The following KLHL1 variants were observed in gnomAD, a reference collection of about 807,000 sequenced individuals.
KLHL1 encodes the protein kelch-like protein 1.
A neutral mutation model predicts 77.7 loss-of-function variants in KLHL1; 47 were observed. That is an observed-to-expected ratio of 0.60 (90% CI 0.48 to 0.77). KLHL1 has a LOEUF of 0.77. KLHL1 is among the 30% of genes least tolerant of loss of function. The pLI is 0.00. For synonymous variants in KLHL1, 360 were observed against 325.2 expected, an observed-to-expected ratio of 1.11 and a Z score of -1.15; for missense variants, 925 against 910.8, an observed-to-expected ratio of 1.02 and a Z score of -0.20.
At chr13:69,893,004 A>C (rs1250433927) in intron 4 of KLHL1, among the ~76,000 whole-genome samples, 1 of 152,218 alleles carries the variant, frequency 6.6e-6, no homozygotes, top group Non-Finnish European at 1.5e-5. Context: ...GCTTACAACC[A>C]ACATTTAAAA....
rs571891288 is a variant in KLHL1, at chr13:69,795,524, C to A, written c.1639+1214G>T. ...AGTAATTTGTACTTCTCCTTACAAT[C>A]CTCATAAGACAAAGTGTAAATTCAA... On this transcript the variant is annotated intron_variant, in intron 7 of 10. Transcript: ENST00000377844. Among the ~76,000 whole-genome samples the A allele has an allele frequency of 7.9e-5, 12 of 152,288 alleles. No individual in the cohort carries two copies. In the East Asian group the frequency reaches 1.5e-3, roughly 20 times the overall value.
chr13:69,965,563 A>G (rs1161845449), intron 2 of KLHL1, among the ~76,000 whole-genome samples: 3 of 152,180 alleles, frequency 2.0e-5, no homozygotes, highest in Admixed American at 6.6e-5. Context: ...TAAGTGTCCA[A>G]ATGAATGGAA....
chr13:70,027,106 C>T (rs1031031079), intron 1 of KLHL1, among the ~76,000 whole-genome samples: 2 of 151,860 alleles, frequency 1.3e-5, no homozygotes, highest in Non-Finnish European at 2.9e-5. Context: ...ATATGAAATA[C>T]TAAATGGAGA....
chr13:70,028,394 A>G (rs1222600286), intron 1 of KLHL1, among the ~76,000 whole-genome samples: 2 of 152,142 alleles, frequency 1.3e-5, no homozygotes, highest in Non-Finnish European at 2.9e-5. Flanking sequence ...TGGTGGGATT[A>G]TGAGCACATA....
At chr13:70,054,797 T>C (rs961521726) in intron 1 of KLHL1, among the ~76,000 whole-genome samples, 1 of 106,914 alleles carries the variant, frequency 9.4e-6, no homozygotes, top group Non-Finnish European at 1.9e-5. Context: ...TGCATCAGAG[T>C]CTCTTAACAG....
At chr13:69,951,703 G>T (rs576712201) in intron 3 of KLHL1, among the ~76,000 whole-genome samples, 12 of 151,356 alleles carry the variant, frequency 7.9e-5, no homozygotes, top group African/African-American at 2.9e-4. Flanking sequence ...GCTCTATCTT[G>T]GTTTCCAAAA....
intron 6 of KLHL1, among the ~76,000 whole-genome samples, chr13:69,809,546 A>G (rs148716485): frequency 6.6e-6 from 1 of 152,260 alleles, no homozygotes; most frequent in African/African-American, 2.4e-5. Flanking sequence ...TCTATGAGAG[A>G]TGCTTAAGGG....
intron 5 of KLHL1, among the ~76,000 whole-genome samples, chr13:69,855,556 G>T (rs555264739): frequency 6.6e-6 from 1 of 151,740 alleles, no homozygotes; most frequent in Non-Finnish European, 1.5e-5. Context: ...GTAATCTTGG[G>T]GGCGGTTTTT....
At chr13:69,870,851 G>A (rs1338284116) in intron 5 of KLHL1, among the ~76,000 whole-genome samples, 2 of 151,970 alleles carry the variant, frequency 1.3e-5, no homozygotes, top group Admixed American at 1.3e-4. Flanking sequence ...GAGGTGAGAG[G>A]TGGGCTCTCA....
At chr13:69,895,713 C>CTTT (rs11459436) in intron 4 of KLHL1, among the ~76,000 whole-genome samples, 53 of 140,770 alleles carry the variant, frequency 3.8e-4, no homozygotes, top group Non-Finnish European at 6.2e-4. Context: ...TTCTTTTTTC[C>CTTT]TTTTTTTTTT....
At chr13:69,955,193 T>A (rs2137260256) in intron 3 of KLHL1, among the ~76,000 whole-genome samples, 1 of 151,466 alleles carries the variant, frequency 6.6e-6, no homozygotes. Flanking sequence ...CAATAAAAAT[T>A]CTGAAGAGAG....
intron 5 of KLHL1, among the ~76,000 whole-genome samples, chr13:69,870,226 G>A (rs7336607): frequency 0.21 from 31,372 of 151,998 alleles, 5,084 homozygotes; most frequent in African/African-American, 0.46. Context: ...GAAGTTTAAG[G>A]GGAGCCAGCT....
chr13:69,885,767 C>T (rs907243420), intron 4 of KLHL1, among the ~76,000 whole-genome samples: 1 of 152,010 alleles, frequency 6.6e-6, no homozygotes. Context: ...TGATAATCAT[C>T]GTGAGGACAA....
At chr13:69,989,704 T>A (rs1175894080) in intron 1 of KLHL1, among the ~76,000 whole-genome samples, 1 of 152,000 alleles carries the variant, frequency 6.6e-6, no homozygotes, top group Non-Finnish European at 1.5e-5. Context: ...TTCTAGGTAT[T>A]TTATTTTATT....
intron 4 of KLHL1, among the ~76,000 whole-genome samples, chr13:69,893,384 G>T (rs1192084827): frequency 6.6e-6 from 1 of 151,666 alleles, no homozygotes. Context: ...ACAGGCGCCC[G>T]CCACCGCGCC....
chr13:70,010,246 C>G (rs9592673), intron 1 of KLHL1, among the ~76,000 whole-genome samples: 47,483 of 151,862 alleles, frequency 0.31, 9,147 homozygotes, highest in South Asian at 0.44. Context: ...AGAAGTATCA[C>G]TAGTGTTATG....
chr13:69,789,469 A>AAAT (rs2138024031), intron 7 of KLHL1, among the ~76,000 whole-genome samples: 1 of 152,252 alleles, frequency 6.6e-6, no homozygotes, highest in East Asian at 1.9e-4. Flanking sequence ...ACGTGATGTG[A>AAAT]AATAGGGAAA....
intron 1 of KLHL1, among the ~76,000 whole-genome samples, chr13:70,039,877 G>A (rs1475798343): frequency 6.6e-6 from 1 of 152,114 alleles, no homozygotes; most frequent in East Asian, 1.9e-4. Flanking sequence ...CTGACCTCAA[G>A]TGATCTGTGT....
At chr13:69,811,069 T>A (rs1029535880) in intron 6 of KLHL1, among the ~76,000 whole-genome samples, 1 of 151,612 alleles carries the variant, frequency 6.6e-6, no homozygotes, top group African/African-American at 2.4e-5. Context: ...CCAATCTTAC[T>A]GAAACAATTC....
Sources: gnomAD v4.1 joint callset for allele counts (sites outside exome capture counted in the v4.1 genomes callset) on GRCh38, gnomAD v4.1.1 for gene constraint, MANE v1.5 for transcripts, NCBI Gene and HGNC (gene_info 2026-07-23, HGNC 2026-07-21) for gene names.